The following NANOS3 variants were observed in gnomAD, a reference collection of about 807,000 sequenced individuals.
NANOS3 encodes nanos homolog 3.
A neutral mutation model predicts 13.8 loss-of-function variants in NANOS3; 11 were observed. That is an observed-to-expected ratio of 0.80 (90% CI 0.50 to 1.32). The LOEUF (loss-of-function observed/expected upper bound fraction) is 1.32, where lower values mean the gene tolerates loss of function less well. NANOS3 is among the 40% of genes most tolerant of loss of function. NANOS3 has a pLI of 0.00. For missense variants in NANOS3, 221 were observed against 263.8 expected (o/e 0.84, Z 1.12); for synonymous variants, 119 against 115.4 (o/e 1.03, Z -0.20).
intron 1 of NANOS3, among the ~76,000 whole-genome samples, 186 bp downstream of exon 1, chr19:13,877,951 CAGGCTGGAGTGCAG>C (rs1225501135): frequency 6.6e-6 from 1 of 152,204 alleles, no homozygotes; most frequent in Non-Finnish European, 1.5e-5. Context: ...TTCTGTTGCT[CAGGCTGGAGTGCAG>C]TGGCGCCATC....
intron 1 of NANOS3, among the ~76,000 whole-genome samples, chr19:13,868,549 T>C (rs964344126): frequency 1.5e-4 from 22 of 151,544 alleles, no homozygotes; most frequent in African/African-American, 4.6e-4. Context: ...GGCGTGGTGG[T>C]GTGCGCCTAT....
At chr19:13,874,060 C>T (rs951621000), upstream of NANOS3, among the ~76,000 whole-genome samples, 1 of 152,152 alleles carries the variant, frequency 6.6e-6, no homozygotes, top group African/African-American at 2.4e-5. Flanking sequence ...TCCGGAAGTG[C>T]CCGAGTTCAG....
At chr19:13,869,786 A>G (rs900740726) in intron 1 of NANOS3, among the ~76,000 whole-genome samples, 22 of 151,300 alleles carry the variant, frequency 1.5e-4, no homozygotes, top group African/African-American at 4.4e-4. Flanking sequence ...ACACACACAC[A>G]CACACGCACA....
intron 1 of NANOS3, among the ~76,000 whole-genome samples, chr19:13,871,884 A>T (rs1021158643): frequency 3.3e-5 from 5 of 152,108 alleles, no homozygotes; most frequent in African/African-American, 1.2e-4. Context: ...CTGTGATCCC[A>T]GCTACTTGGG....
In NANOS3 at chr19:13,880,733, A is replaced by T; in HGVS notation, c.*230A>T. On this transcript the variant is annotated 3_prime_UTR_variant, in exon 2 of 2. Transcript: ENST00000339133. ...CTGGGCATCCAGTCAGCCCTCAATA[A>T]ATGCTTATGAATGGATCAACAACAG... is the stretch of plus-strand genomic sequence containing the variant. 1.8e-6 allele frequency: 1 copy of T among 555,668 alleles called. No individual in the cohort carries two copies. Among genetic ancestry groups the T allele is most frequent in the Non-Finnish European group, 3.2e-6 (1 of 311,508 alleles). 34.4% of individuals were successfully genotyped at this position (555,668 alleles called of 1,614,324 possible).
At chr19:13,878,262 A>G (rs978334754) in intron 1 of NANOS3, among the ~76,000 whole-genome samples, 3 of 150,438 alleles carry the variant, frequency 2.0e-5, no homozygotes, top group African/African-American at 7.4e-5. Flanking sequence ...ATCTTGAGAC[A>G]GAGTCTCTTT....
At chr19:13,866,241 G>A (rs1353857689) in intron 1 of NANOS3, among the ~76,000 whole-genome samples, 1 of 152,082 alleles carries the variant, frequency 6.6e-6, no homozygotes. Flanking sequence ...CGCCTTTCAC[G>A]GCGACCTGCC....
chr19:13,878,608 T>G (rs1347230357), intron 1 of NANOS3, among the ~76,000 whole-genome samples: 2 of 151,730 alleles, frequency 1.3e-5, no homozygotes, highest in African/African-American at 4.8e-5. Context: ...TCTTCCTTTT[T>G]TTTTTTAATT....
intron 1 of NANOS3, among the ~76,000 whole-genome samples, chr19:13,865,892 G>T (rs1292724023): frequency 1.3e-5 from 2 of 151,928 alleles, no homozygotes; most frequent in African/African-American, 4.8e-5. Context: ...CGGGTGGGGC[G>T]CTCGGAAATC....
upstream of NANOS3, chr19:13,874,759 G>C (rs752008564): frequency 1.9e-6 from 1 of 534,454 alleles, no homozygotes; most frequent in South Asian, 1.4e-5. Flanking sequence ...GGGCAGCTCA[G>C]GCAAACCATC....
chr19:13,862,785 C>T (rs1198635522), upstream of NANOS3, among the ~76,000 whole-genome samples: 1 of 152,228 alleles, frequency 6.6e-6, no homozygotes, highest in Non-Finnish European at 1.5e-5. Flanking sequence ...GATCCGCCCG[C>T]CTCGGCCTCC....
intron 1 of NANOS3, among the ~76,000 whole-genome samples, chr19:13,866,681 C>T (rs968880318): frequency 6.6e-6 from 1 of 152,226 alleles, no homozygotes; most frequent in Non-Finnish European, 1.5e-5. Flanking sequence ...CACTGACACA[C>T]AGAAGTGGGT....
chr19:13,868,820 C>T (rs927605290), intron 1 of NANOS3, among the ~76,000 whole-genome samples: 8 of 152,082 alleles, frequency 5.3e-5, no homozygotes, highest in African/African-American at 9.7e-5. Flanking sequence ...CAGACACCCA[C>T]GCACACTGGC....
chr19:13,873,945 G>T (rs1968454360), upstream of NANOS3, among the ~76,000 whole-genome samples: 1 of 152,130 alleles, frequency 6.6e-6, no homozygotes, highest in Non-Finnish European at 1.5e-5. Flanking sequence ...GCGATCACTG[G>T]AGGAAGGGAC....
chr19:13,869,304 G>A (rs763043792), intron 1 of NANOS3, among the ~76,000 whole-genome samples: 23 of 152,096 alleles, frequency 1.5e-4, no homozygotes, highest in Non-Finnish European at 2.9e-4. Context: ...ATGAGCCACC[G>A]TGCCCGGCCT....
At chr19:13,876,916 A>T (rs1312671819), upstream of NANOS3, among the ~76,000 whole-genome samples, 1 of 152,130 alleles carries the variant, frequency 6.6e-6, no homozygotes, top group African/African-American at 2.4e-5. Flanking sequence ...AATTCCCTGG[A>T]GGTGTGTACG....
intron 1 of NANOS3, among the ~76,000 whole-genome samples, chr19:13,866,093 C>T (rs914150839): frequency 1.7e-4 from 26 of 152,138 alleles, no homozygotes; most frequent in African/African-American, 6.0e-4. Flanking sequence ...CCCCTCCGGC[C>T]TGTCATTACC....
At chr19:13,877,834 T>A (rs949737174) in intron 1 of NANOS3, 69 bp downstream of exon 1, 1 of 1,493,816 alleles carries the variant, frequency 6.7e-7, no homozygotes, top group Non-Finnish European at 8.9e-7. Context: ...GAAGTAAGAT[T>A]AGCCCCAGTA....
chr19:13,862,500 G>GCCT (rs1414223608), upstream of NANOS3, among the ~76,000 whole-genome samples: 1 of 152,122 alleles, frequency 6.6e-6, no homozygotes, highest in Non-Finnish European at 1.5e-5. Context: ...GGGGGGAAAG[G>GCCT]CCTCGCACAG....
Sources: allele counts gnomAD v4.1 joint callset (sites outside exome capture counted in the v4.1 genomes callset), GRCh38; gene constraint gnomAD v4.1.1; transcripts MANE v1.5; gene names NCBI Gene and HGNC (gene_info 2026-07-23, HGNC 2026-07-21).